Variants in ZHX2 observed in about 807,000 individuals in gnomAD.
The protein encoded by ZHX2 is zinc fingers and homeoboxes 2.
A neutral mutation model predicts 21.9 loss-of-function variants in ZHX2; 6 were observed. The observed-to-expected ratio is 0.27, with a 90% CI of 0.15 to 0.54. The LOEUF (loss-of-function observed/expected upper bound fraction) is 0.54. ZHX2 is among the 20% of genes least tolerant of loss of function. ZHX2 has a pLI of 0.95. For missense variants in ZHX2, 908 were observed against 1,090.7 expected, an observed-to-expected ratio of 0.83 and a Z score of 2.36; for synonymous variants, 434 against 437.1, an observed-to-expected ratio of 0.99 and a Z score of 0.09.
In ZHX2 at chr8:122,828,788, A is replaced by G. The variant is rs1340158497; in HGVS notation, c.-282-34689A>G. On this transcript the variant is annotated intron_variant, in intron 1 of 3. Transcript: ENST00000314393. The surrounding 1 kb of genome is among the most constrained non-coding windows in gnomAD (Gnocchi z 5.2). ...GGAAGGCTCATTCTAGGTTGTTCTCATTGGGAATATAAATGAAGTACAACC... is the reference window on the plus strand; with the variant it reads ...GGAAGGCTCATTCTAGGTTGTTCTCGTTGGGAATATAAATGAAGTACAACC... Among the ~76,000 whole-genome samples, 1 of 152,204 alleles carries G rather than the reference A, an allele frequency of 6.6e-6. No homozygotes were observed.
chr8:122,835,217 A>T (rs1309849264), intron 1 of ZHX2, among the ~76,000 whole-genome samples: 1 of 152,272 alleles, frequency 6.6e-6, no homozygotes, highest in Non-Finnish European at 1.5e-5. Context: ...ATGAACTCTA[A>T]CAATACCTTC....
intron 3 of ZHX2, among the ~76,000 whole-genome samples, chr8:122,964,113 C>T (rs1813522379): frequency 2.0e-5 from 3 of 151,934 alleles, no homozygotes; most frequent in Admixed American, 6.6e-5. Flanking sequence ...AGTCTGACTT[C>T]CTTAACTTGT....
At chr8:122,838,514 TTAAA>T (rs1401547010) in intron 1 of ZHX2, among the ~76,000 whole-genome samples, 1 of 151,954 alleles carries the variant, frequency 6.6e-6, no homozygotes, top group Non-Finnish European at 1.5e-5. Context: ...AAATAAATGG[TTAAA>T]TACGTGGTAG....
Position 122,882,326 on chromosome 8 carries a change from G to C in ZHX2, c.-220+18787G>C, listed in dbSNP as rs772820027. ...AAACACACACACACAGAGAGAGAGA[G>C]AGAGAGAGAGAGACAGCTCTCTTAT... On this transcript the variant is annotated intron_variant, in intron 2 of 3. Transcript: ENST00000314393. 1.2e-4 allele frequency among the ~76,000 whole-genome samples: 18 copies of C among 152,068 alleles called. 1 individual carries two copies. The highest frequency in any genetic ancestry group is 1.9e-4 in the Non-Finnish European group (13 of 68,014).
chr8:122,971,110 C>T (rs192635539), intron 3 of ZHX2, among the ~76,000 whole-genome samples: 38 of 152,288 alleles, frequency 2.5e-4, no homozygotes, highest in Admixed American at 2.4e-3. Flanking sequence ...GTCTGCCAAT[C>T]ACCTGCCAGT....
chr8:122,969,871 A>G (rs983637249), intron 3 of ZHX2, among the ~76,000 whole-genome samples: 20 of 152,214 alleles, frequency 1.3e-4, no homozygotes, highest in Non-Finnish European at 2.5e-4. Flanking sequence ...CAGAAACAGA[A>G]AGCTGTCACA....
intron 1 of ZHX2, among the ~76,000 whole-genome samples, chr8:122,836,560 C>CA (rs1818502387): frequency 6.6e-6 from 1 of 152,200 alleles, no homozygotes; most frequent in Admixed American, 6.5e-5. Context: ...TTCCTGGGTG[C>CA]AGGCGGGCTG....
chr8:122,787,583 T>G (rs778701933), intron 1 of ZHX2, among the ~76,000 whole-genome samples: 7 of 152,200 alleles, frequency 4.6e-5, no homozygotes, highest in Non-Finnish European at 8.8e-5. Context: ...TGGGGACCAT[T>G]TCCTGTCAAG....
chr8:122,948,383 G>GT (rs1237593546), intron 2 of ZHX2, among the ~76,000 whole-genome samples: 1 of 152,064 alleles, frequency 6.6e-6, no homozygotes, highest in African/African-American at 2.4e-5. Context: ...TCTCGGTTCT[G>GT]GGTTCTGTTA....
intron 2 of ZHX2, among the ~76,000 whole-genome samples, chr8:122,885,784 C>T (rs894954048): frequency 6.6e-6 from 1 of 152,138 alleles, no homozygotes; most frequent in Non-Finnish European, 1.5e-5. Context: ...TTGAGAGACC[C>T]TTGAGAATAT....
intron 1 of ZHX2, chr8:122,816,538 T>C (rs1818039365): frequency 6.6e-6 from 1 of 151,068 alleles, no homozygotes; most frequent in Admixed American, 6.6e-5. Context: ...CTCCGCCTCC[T>C]GGGTTCAAGT....
intron 2 of ZHX2, among the ~76,000 whole-genome samples, chr8:122,891,125 G>T (rs1819965232): frequency 6.6e-6 from 1 of 152,102 alleles, no homozygotes; most frequent in Non-Finnish European, 1.5e-5. Flanking sequence ...ATTGGTGTTA[G>T]TTCTTCTTTA....
intron 2 of ZHX2, among the ~76,000 whole-genome samples, chr8:122,886,216 A>G (rs1819839775): frequency 6.6e-6 from 1 of 152,252 alleles, no homozygotes; most frequent in Non-Finnish European, 1.5e-5. Flanking sequence ...GCTAAGTGAA[A>G]GAAGCCAATC....
intron 2 of ZHX2, among the ~76,000 whole-genome samples, chr8:122,899,033 A>G (rs1476748689): frequency 6.6e-6 from 1 of 152,206 alleles, no homozygotes; most frequent in Non-Finnish European, 1.5e-5. Flanking sequence ...GTCCTGGTCT[A>G]GGGTTAGGGA....
At chr8:122,798,392 T>C (rs1205593842) in intron 1 of ZHX2, among the ~76,000 whole-genome samples, 1 of 152,116 alleles carries the variant, frequency 6.6e-6, no homozygotes, top group Non-Finnish European at 1.5e-5. Flanking sequence ...AAAAATATCA[T>C]TTAAAGGTAG....
chr8:122,795,372 C>T (rs1216608483), intron 1 of ZHX2, among the ~76,000 whole-genome samples: 3 of 152,250 alleles, frequency 2.0e-5, no homozygotes, highest in South Asian at 4.1e-4. Context: ...CCTGGCCTAG[C>T]CCTGCTCCCT....
At chr8:122,830,497 C>G (rs1370027768) in intron 1 of ZHX2, among the ~76,000 whole-genome samples, 1 of 152,170 alleles carries the variant, frequency 6.6e-6, no homozygotes, top group African/African-American at 2.4e-5. Flanking sequence ...ATAACTACTT[C>G]AGGCGGGACA....
At chr8:122,959,404 GAATT>G in intron 3 of ZHX2, among the ~76,000 whole-genome samples, 1 of 151,250 alleles carries the variant, frequency 6.6e-6, no homozygotes, top group East Asian at 1.9e-4. Flanking sequence ...ATGAACGAAC[GAATT>G]AATTAACTAA....
chr8:122,865,921 G>A (rs1819282430), intron 2 of ZHX2, among the ~76,000 whole-genome samples: 1 of 152,164 alleles, frequency 6.6e-6, no homozygotes, highest in South Asian at 2.1e-4. Context: ...CTCTAAGCTG[G>A]AGATGCTGTG....
Sources: gnomAD v4.1 joint callset for allele counts (sites outside exome capture counted in the v4.1 genomes callset) on GRCh38, gnomAD v4.1.1 for gene constraint, Gnocchi (gnomAD v3.1) non-coding constraint, MANE v1.5 for transcripts, NCBI Gene and HGNC (gene_info 2026-07-23, HGNC 2026-07-21) for gene names.